The following SNX29 variants were observed in gnomAD, a reference collection of about 807,000 sequenced individuals.
The protein encoded by SNX29 is sorting nexin 29.
In SNX29, 78 loss-of-function variants were observed where a neutral mutation model predicts 102.1. The ratio of observed to expected loss-of-function variants is 0.76; its 90% CI spans 0.64 to 0.92. SNX29 has a LOEUF of 0.92. SNX29 is among the 40% of genes least tolerant of loss of function. The probability of loss-of-function intolerance (pLI) is 0.00; values close to 1 mark genes in which losing one functional copy is unlikely to be tolerated. For synonymous variants in SNX29, 580 were observed against 414.5 expected, an observed-to-expected ratio of 1.40 and a Z score of -4.85; for missense variants, 1,280 against 1,061.7, an observed-to-expected ratio of 1.21 and a Z score of -2.86.
intron 19 of SNX29, among the ~76,000 whole-genome samples, chr16:12,514,906 GAGAA>G (rs1346302773): frequency 7.5e-5 from 11 of 146,526 alleles, no homozygotes; most frequent in Non-Finnish European, 1.3e-4. Flanking sequence ...GAGAGGGAGA[GAGAA>G]AGAAAGAGAG....
chr16:12,524,834 T>G lies in SNX29; in HGVS notation c.2311T>G (p.Phe771Val). 6.2e-7 allele frequency: 1 copy of G among 1,613,332 alleles called. No individual in the cohort carries two copies. The change falls in exon 20 of 21, where the codon TTC becomes GTC. Residue 771 changes from phenylalanine (F) to valine (V), a missense_variant. Coordinates refer to ENST00000566228, the MANE Select transcript of SNX29 (RefSeq NM_032167.5). ...GGAGACCCTCATCCAGCTGATGCCC[T>G]TCTTCGTGTAAGTACTGCTCCCACG... ...KKETLIQLMP[F>V]FVDITPPGEP... is the part of the protein sequence containing the mutation.
intron 20 of SNX29, among the ~76,000 whole-genome samples, chr16:12,565,889 C>CT (rs1207051136): frequency 6.6e-6 from 1 of 151,798 alleles, no homozygotes; most frequent in Non-Finnish European, 1.5e-5. Context: ...CCTGAGTTCC[C>CT]TCTCATTGGG....
intron 20 of SNX29, among the ~76,000 whole-genome samples, chr16:12,559,268 G>A (rs1398936117): frequency 6.6e-6 from 1 of 152,094 alleles, no homozygotes; most frequent in Non-Finnish European, 1.5e-5. Context: ...CTGCCTGTCA[G>A]ATCAGCAGCA....
intron 14 of SNX29, among the ~76,000 whole-genome samples, chr16:12,264,958 ACTAGTTTAATTTTTGAAC>A (rs2078883667): frequency 1.3e-5 from 2 of 152,116 alleles, no homozygotes; most frequent in South Asian, 4.1e-4. Context: ...CATTTCTGTT[ACTAGTTTAATTTTTGAAC>A]CCAGATACAT....
chr16:12,538,425 TAAC>T (rs1362744415), intron 20 of SNX29, among the ~76,000 whole-genome samples: 1 of 152,186 alleles, frequency 6.6e-6, no homozygotes, highest in Non-Finnish European at 1.5e-5. Context: ...CTGGGAGTAA[TAAC>T]TGAGAATGGT....
chr16:12,501,724 CAAAAAAAAAAAAA>C (rs59431064), intron 19 of SNX29, among the ~76,000 whole-genome samples: 5 of 44,916 alleles, frequency 1.1e-4, no homozygotes, highest in Admixed American at 2.8e-4. Flanking sequence ...GACACTGTCT[CAAAAAAAAAAAAA>C]AAAAAAAAAA....
chr16:12,514,672 C>G (rs1188781766), intron 19 of SNX29, among the ~76,000 whole-genome samples: 1 of 152,120 alleles, frequency 6.6e-6, no homozygotes, highest in Non-Finnish European at 1.5e-5. Context: ...CGAGACCAGC[C>G]TGGCCAACAT....
At chr16:12,027,241 A>G (rs1440776918) in intron 3 of SNX29, 79 bp from the exon 4 acceptor site, 8 of 1,578,230 alleles carry the variant, frequency 5.1e-6, no homozygotes, top group Non-Finnish European at 5.2e-6. Flanking sequence ...CGGCTTACTC[A>G]CTTCCTGGAG....
rs183431818 is a variant in SNX29, at chr16:12,041,042, C to T, written c.248-1855C>T. Among the ~76,000 whole-genome samples the T allele has an allele frequency of 2.1e-4, 32 of 152,150 alleles. No homozygotes were observed. The East Asian group carries it at 5.4e-3, about 26-fold the overall frequency. The stretch of plus-strand genomic sequence containing the variant: ...GGCCAGGATGGTCATCTCTTGACCT[C>T]GTGATCTGCCTGCCTTGGCCTCCCA... On this transcript the variant is annotated intron_variant, in intron 4 of 20. Transcript: ENST00000566228.
At chr16:12,211,635 G>A (rs937069985) in intron 14 of SNX29, among the ~76,000 whole-genome samples, 3 of 152,136 alleles carry the variant, frequency 2.0e-5, no homozygotes, top group African/African-American at 4.8e-5. Flanking sequence ...TGTTATGGTG[G>A]CATCTGTCAA....
At chr16:12,240,490 G>A (rs913522599) in intron 14 of SNX29, among the ~76,000 whole-genome samples, 1 of 150,656 alleles carries the variant, frequency 6.6e-6, no homozygotes, top group Non-Finnish European at 1.5e-5. Flanking sequence ...AGTCTATAAC[G>A]ATCTTGATTT....
At chr16:12,148,082 T>C (rs536013256) in intron 13 of SNX29, among the ~76,000 whole-genome samples, 2 of 152,318 alleles carry the variant, frequency 1.3e-5, no homozygotes, top group Admixed American at 1.3e-4. Context: ...CTGCTGCTGC[T>C]CAGCTCCAGC....
intron 20 of SNX29, among the ~76,000 whole-genome samples, chr16:12,542,077 A>C (rs2077367691): frequency 6.6e-6 from 1 of 152,066 alleles, no homozygotes; most frequent in Admixed American, 6.6e-5. Context: ...CAGTTAGTCC[A>C]AATCCTGCAA....
At chr16:12,019,938 G>A (rs2056970388) in intron 3 of SNX29, among the ~76,000 whole-genome samples, 1 of 151,958 alleles carries the variant, frequency 6.6e-6, no homozygotes, top group Admixed American at 6.6e-5. Context: ...CACCTGGCCT[G>A]TATTGTATTT....
rs901307091 is a variant in SNX29 at position 12,495,296 on chromosome 16, C to T, written c.2178+17437C>T. Among the ~76,000 whole-genome samples, 9 of 152,132 alleles carry T rather than the reference C, an allele frequency of 5.9e-5. No individual in the cohort carries two copies. The East Asian group carries it at 7.7e-4, about 13-fold the overall frequency. ...CCTCCCAAGTAGTTGGGATTACAGA[C>T]GTGCACCACCACGTCCAGCTAGTTT... On this transcript the variant is annotated intron_variant, in intron 19 of 20. Coordinates refer to ENST00000566228, the MANE Select transcript of SNX29 (RefSeq NM_032167.5).
intron 16 of SNX29, chr16:12,375,118 C>T (rs561168257): frequency 6.6e-6 from 1 of 152,094 alleles, no homozygotes; most frequent in African/African-American, 2.4e-5. Flanking sequence ...GCGAGTGTAG[C>T]AAGAATCCTG....
intron 19 of SNX29, among the ~76,000 whole-genome samples, chr16:12,504,508 C>T (rs2089282329): frequency 6.6e-6 from 1 of 152,158 alleles, no homozygotes; most frequent in Non-Finnish European, 1.5e-5. Flanking sequence ...ACTGTGAACT[C>T]TTGTGTGTCA....
chr16:12,557,004 C>T (rs887048999), intron 20 of SNX29, among the ~76,000 whole-genome samples: 1 of 120,928 alleles, frequency 8.3e-6, no homozygotes, highest in Admixed American at 8.9e-5. Context: ...CACACCACAT[C>T]TGGCTAATTT....
intron 19 of SNX29, among the ~76,000 whole-genome samples, chr16:12,517,970 C>G (rs2089937529): frequency 6.6e-6 from 1 of 151,912 alleles, no homozygotes; most frequent in African/African-American, 2.4e-5. Flanking sequence ...GGGCTGCTAA[C>G]ATATTACAAT....
Sources: gnomAD v4.1 joint callset for allele counts (sites outside exome capture counted in the v4.1 genomes callset) on GRCh38, gnomAD v4.1.1 for gene constraint, MANE v1.5 for transcripts, NCBI Gene and HGNC (gene_info 2026-07-23, HGNC 2026-07-21) for gene names.